CUX2: variants seen among roughly 807,000 people sequenced by gnomAD.
The protein encoded by CUX2 is homeobox protein cut-like 2.
In CUX2, 40 loss-of-function variants were observed where a neutral mutation model predicts 144.8. The ratio of observed to expected loss-of-function variants is 0.28; its 90% CI spans 0.21 to 0.36. The LOEUF (loss-of-function observed/expected upper bound fraction) is 0.36, where lower values mean the gene tolerates loss of function less well. CUX2 is among the 10% of genes least tolerant of loss of function. The pLI, the probability that CUX2 is intolerant of heterozygous loss-of-function variation, is 1.00. For synonymous variants in CUX2, 827 were observed against 875.6 expected, an observed-to-expected ratio of 0.94 and a Z score of 0.98; for missense variants, 1,615 against 1,994.0, an observed-to-expected ratio of 0.81 and a Z score of 3.62.
intron 4 of CUX2, among the ~76,000 whole-genome samples, chr12:111,274,875 C>G (rs769510160): frequency 6.6e-6 from 1 of 151,482 alleles, no homozygotes; most frequent in Admixed American, 6.6e-5. Context: ...AAAAAAGCTC[C>G]AAATGCCACT....
At chr12:111,121,440 G>A (rs182042493) in intron 1 of CUX2, among the ~76,000 whole-genome samples, 7 of 123,894 alleles carry the variant, frequency 5.6e-5, no homozygotes, top group African/African-American at 1.8e-4. Flanking sequence ...GCTATGGCGC[G>A]ATCTTGACTC....
At position 111,295,567 on chromosome 12, in the gene CUX2, T is replaced by A. The variant is rs996568310; in HGVS notation, c.637+158T>A. ...AGAATAATCTTACCCAGTGGGGGGC[T>A]GAGCCTCTATGCCCCAGAGGCCACA... On this transcript the variant is annotated intron_variant, in intron 7 of 21. Transcript: ENST00000261726. The surrounding 1 kb of genome is among the most constrained non-coding windows in gnomAD (Gnocchi z 5.0). Among the ~76,000 whole-genome samples, 3 of 152,088 alleles carry A rather than the reference T, an allele frequency of 2.0e-5. No homozygotes were observed. Among genetic ancestry groups the A allele is most frequent in the Non-Finnish European group, 2.9e-5 (2 of 68,022 alleles).
At chr12:111,172,124 T>TGTGC (rs1466184053) in intron 1 of CUX2, among the ~76,000 whole-genome samples, 1 of 152,144 alleles carries the variant, frequency 6.6e-6, no homozygotes, top group Non-Finnish European at 1.5e-5. Flanking sequence ...TGTGTGTGTG[T>TGTGC]GTGCATGTGC....
At chr12:111,217,988 C>A in intron 3 of CUX2, 51 bp downstream of exon 3, 1 of 1,602,844 alleles carries the variant, frequency 6.2e-7, no homozygotes, top group Middle Eastern at 2.0e-4. Flanking sequence ...AATGGCTCCC[C>A]CTCCTATCCC....
intron 1 of CUX2, among the ~76,000 whole-genome samples, chr12:111,038,175 T>A (rs1292376970): frequency 6.6e-6 from 1 of 152,250 alleles, no homozygotes; most frequent in Admixed American, 6.5e-5. Context: ...TAAAATATTA[T>A]AACCTTATGA....
At chr12:111,105,940 C>G (rs573057595) in intron 1 of CUX2, among the ~76,000 whole-genome samples, 40 of 150,506 alleles carry the variant, frequency 2.7e-4, no homozygotes, top group African/African-American at 9.3e-4. Context: ...TCATGGCTCA[C>G]TGCAGCCTTG....
rs142482402 is a variant in CUX2, at chr12:111,284,699, T to C, written c.302-6719T>C. On this transcript the variant is annotated intron_variant, in intron 4 of 21. Coordinates refer to ENST00000261726, the MANE Select transcript of CUX2 (RefSeq NM_015267.4). Reference sequence around the variant, plus strand: ...GATGGGATTCTAACCCAGATGGCTCTGCCTACAGAGCCGCACTTTGAGCTC... The same window carrying C: ...GATGGGATTCTAACCCAGATGGCTCCGCCTACAGAGCCGCACTTTGAGCTC... Among the ~76,000 whole-genome samples the C allele has an allele frequency of 2.0e-3, 309 of 152,332 alleles. 3 individuals carry two copies. Among genetic ancestry groups the C allele is most frequent in the Non-Finnish European group, 3.5e-3 (239 of 68,028 alleles).
intron 1 of CUX2, among the ~76,000 whole-genome samples, chr12:111,179,590 C>T (rs1236429679): frequency 1.4e-5 from 2 of 147,048 alleles, no homozygotes; most frequent in Admixed American, 6.7e-5. Context: ...GAGCCATCGC[C>T]GTGGTTGTTG....
rs953172940 is a variant in CUX2 at position 111,263,561 on chromosome 12, G to T, written c.223-200G>T. Among the ~76,000 whole-genome samples the T allele has an allele frequency of 6.6e-5, 10 of 152,166 alleles. No individual in the cohort carries two copies. The South Asian group carries it at 1.2e-3, about 19-fold the overall frequency. On this transcript the variant is annotated intron_variant, in intron 3 of 21. Coordinates refer to ENST00000261726, the MANE Select transcript of CUX2 (RefSeq NM_015267.4). The surrounding 1 kb of genome is among the most constrained non-coding windows in gnomAD (Gnocchi z 4.0). ...AATTACTTGAACCCAGGAGGCGGAG[G>T]TTACAGTGAGCTGAGATCATTCTAT...
chr12:111,300,376 C>T (rs1271654814), intron 9 of CUX2, among the ~76,000 whole-genome samples: 1 of 152,208 alleles, frequency 6.6e-6, no homozygotes, highest in African/African-American at 2.4e-5. Context: ...CCTCCTGGGC[C>T]TCCCAAAGCA....
At chr12:111,097,227 C>T (rs1290060672) in intron 1 of CUX2, among the ~76,000 whole-genome samples, 1 of 152,204 alleles carries the variant, frequency 6.6e-6, no homozygotes, top group Non-Finnish European at 1.5e-5. Flanking sequence ...GTGTGTGTCA[C>T]CTGAGACCAC....
chr12:111,123,758 A>G (rs1469700385), intron 1 of CUX2, among the ~76,000 whole-genome samples: 5 of 150,212 alleles, frequency 3.3e-5, no homozygotes, highest in African/African-American at 1.2e-4. Flanking sequence ...CTAATTTCAA[A>G]CTCCTGAGCT....
chr12:111,057,665 A>T lies in CUX2; in HGVS notation c.63+23425A>T, dbSNP rs1332362759. On this transcript the variant is annotated intron_variant, in intron 1 of 21. Coordinates refer to ENST00000261726, the MANE Select transcript of CUX2 (RefSeq NM_015267.4). This position sits in a 1 kb window ranked among gnomAD's most constrained non-coding sequence, Gnocchi z 5.1. ...GCCTCCCCTTCTGCCAGAAAGAGTGACTCCCACCTCAACAGCCTGGAAGCA... is the reference window on the plus strand; with the variant it reads ...GCCTCCCCTTCTGCCAGAAAGAGTGTCTCCCACCTCAACAGCCTGGAAGCA... Among the ~76,000 whole-genome samples, 1 of 151,568 alleles carries T rather than the reference A, an allele frequency of 6.6e-6. No homozygotes were observed. The highest frequency in any genetic ancestry group is 1.5e-5 in the Non-Finnish European group (1 of 67,892).
intron 3 of CUX2, among the ~76,000 whole-genome samples, chr12:111,232,636 C>T (rs1450433515): frequency 6.6e-6 from 1 of 152,184 alleles, no homozygotes; most frequent in African/African-American, 2.4e-5. Context: ...GAAATCAATT[C>T]CCCATGGATA....
chr12:111,036,147 G>A (rs1869433731), intron 1 of CUX2, among the ~76,000 whole-genome samples: 1 of 152,266 alleles, frequency 6.6e-6, no homozygotes. Flanking sequence ...AGAGGAACCA[G>A]AAGGGCTGGC....
Position 111,189,387 on chromosome 12 carries a change from G to T in CUX2, c.64-24813G>T, listed in dbSNP as rs746769411. Among the ~76,000 whole-genome samples, 98 of 152,296 alleles carry T rather than the reference G, an allele frequency of 6.4e-4. 1 individual carries two copies. Among genetic ancestry groups the T allele is most frequent in the Non-Finnish European group, 1.2e-3 (81 of 68,034 alleles). Reference sequence around the variant, plus strand: ...GCAACATAACCATTCTCCTGCCTCCGAACTACACAGGCTTGATTTGCCAGT... The same window carrying T: ...GCAACATAACCATTCTCCTGCCTCCTAACTACACAGGCTTGATTTGCCAGT... On this transcript the variant is annotated intron_variant, in intron 1 of 21. Coordinates refer to ENST00000261726, the MANE Select transcript of CUX2 (RefSeq NM_015267.4).
intron 18 of CUX2, among the ~76,000 whole-genome samples, chr12:111,330,720 T>TGTATATATATACATATAC (rs1565926225): frequency 2.0e-5 from 1 of 49,858 alleles, no homozygotes; most frequent in East Asian, 3.6e-4. Flanking sequence ...TATATATATA[T>TGTATATATATACATATAC]ATATATATAT....
intron 1 of CUX2, among the ~76,000 whole-genome samples, chr12:111,047,014 A>G (rs1870028083): frequency 6.6e-6 from 1 of 152,212 alleles, no homozygotes; most frequent in Non-Finnish European, 1.5e-5. Context: ...ACTCATGGAA[A>G]TGGATTTGGG....
At chr12:111,297,964 A>G (rs576273247) in intron 8 of CUX2, among the ~76,000 whole-genome samples, 182 of 152,270 alleles carry the variant, frequency 1.2e-3, no homozygotes, top group African/African-American at 3.8e-3. Context: ...GGAGAAGGCC[A>G]TGTGAAGAAA....
Sources: gnomAD v4.1 joint callset for allele counts (sites outside exome capture counted in the v4.1 genomes callset) on GRCh38, gnomAD v4.1.1 for gene constraint, Gnocchi (gnomAD v3.1) non-coding constraint, MANE v1.5 for transcripts, NCBI Gene and HGNC (gene_info 2026-07-23, HGNC 2026-07-21) for gene names.